The following KCNQ5 variants were observed in gnomAD, a reference collection of about 807,000 sequenced individuals.
KCNQ5 encodes potassium voltage-gated channel subfamily KQT member 5.
Under a neutral mutation model 98.2 loss-of-function variants are expected in KCNQ5, and 30 were observed. That is an observed-to-expected ratio of 0.31 (90% CI 0.23 to 0.41). KCNQ5 has a LOEUF of 0.41. Among genes scored for constraint, KCNQ5 ranks in the 10% least tolerant of loss-of-function variants. KCNQ5 has a pLI of 1.00. For missense variants in KCNQ5, 835 were observed against 1,182.5 expected, an observed-to-expected ratio of 0.71 and a Z score of 4.31; for synonymous variants, 458 against 449.4, an observed-to-expected ratio of 1.02 and a Z score of -0.24.
At position 72,962,202 on chromosome 6, in the gene KCNQ5, CAT is replaced by C. The variant is rs202160601; in HGVS notation, c.399-41692_399-41691del. Among the ~76,000 whole-genome samples the C allele has an allele frequency of 7.0e-3, 398 of 56,544 alleles. 2 individuals are homozygous for C. Among genetic ancestry groups the C allele is most frequent in the East Asian group, 0.06 (122 of 2,038 alleles). The allele number at this position is 56,544 out of a possible 152,430, so 37.1% of individuals were successfully genotyped here. The stretch of plus-strand genomic sequence containing the variant: ...CTCTAAATATATATATATATATATA[CAT>C]ATATATATATATACACACATATATA... On this transcript the variant is annotated intron_variant, in intron 1 of 13. Coordinates refer to ENST00000370398, the MANE Select transcript of KCNQ5 (RefSeq NM_019842.4).
At chr6:72,967,041 T>C (rs1436421009) in intron 1 of KCNQ5, among the ~76,000 whole-genome samples, 1 of 152,208 alleles carries the variant, frequency 6.6e-6, no homozygotes, top group Non-Finnish European at 1.5e-5. Context: ...TACTGTACTT[T>C]TTGTTACATG....
At chr6:73,168,438 C>T (rs1257976067) in intron 10 of KCNQ5, among the ~76,000 whole-genome samples, 1 of 152,080 alleles carries the variant, frequency 6.6e-6, no homozygotes, top group Non-Finnish European at 1.5e-5. Flanking sequence ...AGCAATGGCT[C>T]ACCCCTGTAA....
At chr6:73,164,556 G>C (rs1222836216) in intron 10 of KCNQ5, among the ~76,000 whole-genome samples, 6 of 152,178 alleles carry the variant, frequency 3.9e-5, no homozygotes, top group African/African-American at 1.4e-4. Context: ...ATGTTGATGG[G>C]GAGTGCAACA....
intron 3 of KCNQ5, among the ~76,000 whole-genome samples, chr6:73,075,042 A>G (rs1171899207): frequency 6.6e-6 from 1 of 152,192 alleles, no homozygotes; most frequent in Non-Finnish European, 1.5e-5. Context: ...GAAAACCAAG[A>G]GATGTGTTTG....
chr6:73,041,151 T>C (rs989622171), intron 2 of KCNQ5, among the ~76,000 whole-genome samples: 6 of 152,290 alleles, frequency 3.9e-5, no homozygotes, highest in Non-Finnish European at 7.4e-5. Context: ...CCAGAAATGC[T>C]TTCGTTTTAC....
chr6:72,796,052 C>T lies in KCNQ5; in HGVS notation c.398+173465C>T, dbSNP rs1045028907. Among the ~76,000 whole-genome samples the T allele has an allele frequency of 3.9e-5, 6 of 152,056 alleles. No individual in the cohort carries two copies. The South Asian group carries it at 1.2e-3, about 31-fold the overall frequency. The stretch of plus-strand genomic sequence containing the variant: ...TGAACCCCAAATGTACAGTCACACA[C>T]TCAAATCCAAATTCCAATAGCTCAC... On this transcript the variant is annotated intron_variant, in intron 1 of 13. Coordinates refer to ENST00000370398, the MANE Select transcript of KCNQ5 (RefSeq NM_019842.4).
At chr6:72,726,784 G>A (rs749316518) in intron 1 of KCNQ5, among the ~76,000 whole-genome samples, 1 of 152,118 alleles carries the variant, frequency 6.6e-6, no homozygotes, top group Non-Finnish European at 1.5e-5. Context: ...AAATAGAGAG[G>A]ATACAAAAAG....
chr6:73,149,306 C>T (rs927648469), intron 10 of KCNQ5, among the ~76,000 whole-genome samples: 5 of 152,142 alleles, frequency 3.3e-5, no homozygotes, highest in African/African-American at 7.2e-5. Context: ...TTAGGTTTTA[C>T]TCAAAGATTT....
At chr6:73,155,247 C>T (rs1238891823) in intron 10 of KCNQ5, among the ~76,000 whole-genome samples, 2 of 152,148 alleles carry the variant, frequency 1.3e-5, no homozygotes, top group Non-Finnish European at 2.9e-5. Flanking sequence ...TTTCAAAGTG[C>T]CACAAAAGTT....
intron 1 of KCNQ5, among the ~76,000 whole-genome samples, chr6:72,922,622 A>T (rs1780449893): frequency 6.6e-6 from 1 of 151,918 alleles, no homozygotes. Flanking sequence ...ATGTTCTCAA[A>T]TTTTTCAAAT....
chr6:72,797,992 C>T (rs1356413724), intron 1 of KCNQ5, among the ~76,000 whole-genome samples: 1 of 152,070 alleles, frequency 6.6e-6, no homozygotes, highest in Non-Finnish European at 1.5e-5. Flanking sequence ...AAATTGTTGA[C>T]CTTTTTAAGG....
chr6:72,888,664 C>T (rs979035936), intron 1 of KCNQ5, among the ~76,000 whole-genome samples: 1 of 152,128 alleles, frequency 6.6e-6, no homozygotes. Context: ...TGTCAGTCCA[C>T]ATGACCTGGG....
chr6:73,112,208 A>G (rs1274246548), intron 7 of KCNQ5, among the ~76,000 whole-genome samples: 2 of 152,174 alleles, frequency 1.3e-5, no homozygotes, highest in African/African-American at 2.4e-5. Flanking sequence ...CCCTCCTGCT[A>G]GGGAAGTGGA....
chr6:72,704,697 CT>C (rs1289021957), intron 1 of KCNQ5, among the ~76,000 whole-genome samples: 2 of 151,662 alleles, frequency 1.3e-5, no homozygotes, highest in Non-Finnish European at 2.9e-5. Context: ...TTAGAATTAC[CT>C]TTTAAAACAT....
At chr6:72,998,017 A>C (rs1399931834) in intron 1 of KCNQ5, among the ~76,000 whole-genome samples, 2 of 152,174 alleles carry the variant, frequency 1.3e-5, no homozygotes, top group South Asian at 4.1e-4. Flanking sequence ...TGCCAAATGC[A>C]CTTCTCTTAT....
At chr6:73,025,943 A>G (rs1370113499) in intron 2 of KCNQ5, among the ~76,000 whole-genome samples, 1 of 152,200 alleles carries the variant, frequency 6.6e-6, no homozygotes, top group Non-Finnish European at 1.5e-5. Flanking sequence ...TAATGAGGAT[A>G]TGATATATTT....
rs1186722224 is a variant in KCNQ5, at chr6:72,995,174, G to A, written c.399-8734G>A. Reference sequence around the variant, plus strand: ...ACTTCAGGTCAGGAGTTCAAGACCAGCCTGACCAACATGGTGAAGCCCCAT... The same window carrying A: ...ACTTCAGGTCAGGAGTTCAAGACCAACCTGACCAACATGGTGAAGCCCCAT... On this transcript the variant is annotated intron_variant, in intron 1 of 13. Transcript: ENST00000370398. Among the ~76,000 whole-genome samples the A allele has an allele frequency of 3.9e-5, 6 of 152,198 alleles. No individual in the cohort carries two copies. The South Asian group carries it at 1.0e-3, about 26-fold the overall frequency.
chr6:72,820,666 A>AT (rs370174098), intron 1 of KCNQ5, among the ~76,000 whole-genome samples: 9 of 151,070 alleles, frequency 6.0e-5, no homozygotes, highest in Non-Finnish European at 8.9e-5. Flanking sequence ...ATGTGGCAGC[A>AT]TTTTTTTTTC....
chr6:73,123,282 G>A (rs1030553154), intron 8 of KCNQ5, among the ~76,000 whole-genome samples: 1 of 152,098 alleles, frequency 6.6e-6, no homozygotes, highest in Non-Finnish European at 1.5e-5. Context: ...AGCATCAGAG[G>A]CTATAATTTC....
Sources: allele counts gnomAD v4.1 joint callset (sites outside exome capture counted in the v4.1 genomes callset), GRCh38; gene constraint gnomAD v4.1.1; transcripts MANE v1.5; gene names NCBI Gene and HGNC (gene_info 2026-07-23, HGNC 2026-07-21).